NPAS3: variants seen among roughly 807,000 people sequenced by gnomAD.
NPAS3 encodes neuronal PAS domain protein 3.
NPAS3 carries 14 observed loss-of-function variants against 73.1 expected under a neutral mutation model. That is an observed-to-expected ratio of 0.19 (90% CI 0.13 to 0.30). NPAS3 has a LOEUF of 0.30. Ranked by LOEUF, NPAS3 falls within the 10% of genes least tolerant of loss-of-function variation. The pLI, the probability that NPAS3 is intolerant of heterozygous loss-of-function variation, is 1.00. For missense variants in NPAS3, 1,096 were observed against 1,250.0 expected (o/e 0.88, Z 1.86); for synonymous variants, 620 against 541.5 (o/e 1.14, Z -2.01).
intron 3 of NPAS3, among the ~76,000 whole-genome samples, chr14:33,296,143 A>G (rs963608632): frequency 1.9e-4 from 29 of 152,220 alleles, no homozygotes; most frequent in African/African-American, 7.0e-4. Context: ...TTGATTTTTC[A>G]GATGCTACTA....
intron 6 of NPAS3, among the ~76,000 whole-genome samples, chr14:33,680,399 T>C (rs2059900337): frequency 6.6e-6 from 1 of 152,230 alleles, no homozygotes; most frequent in African/African-American, 2.4e-5. Flanking sequence ...CCCAACTATC[T>C]AGAAATAACC....
intron 2 of NPAS3, among the ~76,000 whole-genome samples, chr14:33,174,895 A>G (rs2045528346): frequency 6.6e-6 from 1 of 152,186 alleles, no homozygotes; most frequent in Non-Finnish European, 1.5e-5. Context: ...GAGAATATGC[A>G]AGGGAAACAT....
intron 5 of NPAS3, among the ~76,000 whole-genome samples, chr14:33,592,522 A>G (rs2057105661): frequency 6.6e-6 from 1 of 152,238 alleles, no homozygotes; most frequent in African/African-American, 2.4e-5. Context: ...GGATTTGACC[A>G]GACTATGATG....
chr14:33,576,960 G>A (rs1184976616), intron 5 of NPAS3, among the ~76,000 whole-genome samples: 2 of 152,154 alleles, frequency 1.3e-5, no homozygotes, highest in Non-Finnish European at 2.9e-5. Flanking sequence ...ATGGGTTGGA[G>A]GAAAATAAGT....
intron 3 of NPAS3, among the ~76,000 whole-genome samples, chr14:33,289,224 C>T (rs1566762448): frequency 6.6e-6 from 1 of 152,116 alleles, no homozygotes; most frequent in Non-Finnish European, 1.5e-5. Context: ...TTTCTGAAAA[C>T]ATGTGCCTCG....
At chr14:32,934,930 G>A, upstream of NPAS3, 2 of 1,146,318 alleles carry the variant, frequency 1.7e-6, no homozygotes, top group Non-Finnish European at 1.1e-6. This position sits in a 1 kb window ranked among gnomAD's most constrained non-coding sequence, Gnocchi z 4.1. Context: ...GGCCGGCGCG[G>A]GCATGGGGAG....
intron 1 of NPAS3, among the ~76,000 whole-genome samples, chr14:32,999,059 C>G (rs2038697816): frequency 6.6e-6 from 1 of 152,146 alleles, no homozygotes; most frequent in Non-Finnish European, 1.5e-5. Context: ...AGTGGGTACT[C>G]AAAATTTGCT....
intron 4 of NPAS3, among the ~76,000 whole-genome samples, chr14:33,378,908 T>A (rs1201977868): frequency 6.6e-6 from 1 of 152,232 alleles, no homozygotes; most frequent in Non-Finnish European, 1.5e-5. Flanking sequence ...AAGACAGTTA[T>A]ACTACATGTT....
chr14:33,771,117 A>G (rs995446975), intron 7 of NPAS3, among the ~76,000 whole-genome samples: 3 of 152,142 alleles, frequency 2.0e-5, no homozygotes, highest in Non-Finnish European at 4.4e-5. Context: ...GCAACTATAA[A>G]ATGAAAAATT....
At chr14:32,970,209 T>C (rs1443559022) in intron 1 of NPAS3, among the ~76,000 whole-genome samples, 1 of 152,218 alleles carries the variant, frequency 6.6e-6, no homozygotes, top group African/African-American at 2.4e-5. Flanking sequence ...TTTCCTAGGC[T>C]AGAGATAGAC....
chr14:32,953,928 C>G (rs977408178), intron 1 of NPAS3, among the ~76,000 whole-genome samples: 8 of 152,078 alleles, frequency 5.3e-5, no homozygotes, highest in African/African-American at 1.9e-4. Context: ...TTAATTAGGC[C>G]TTAACAAAGG....
At chr14:33,686,098 C>A (rs2060081471) in intron 6 of NPAS3, among the ~76,000 whole-genome samples, 1 of 152,192 alleles carries the variant, frequency 6.6e-6, no homozygotes, top group Non-Finnish European at 1.5e-5. Flanking sequence ...CAGTGAGCAG[C>A]TCAATGATTG....
chr14:33,343,868 G>GT (rs34915355), intron 3 of NPAS3, among the ~76,000 whole-genome samples: 39,376 of 152,050 alleles, frequency 0.26, 5,607 homozygotes, highest in South Asian at 0.38. Flanking sequence ...CTGCTCTGGC[G>GT]TCCTCAGTGC....
rs1373682169 is a variant in NPAS3 at position 33,055,890 on chromosome 14, T to C, written c.51-15T>C. 1.3e-6 allele frequency: 1 copy of C among 799,910 alleles called. No individual in the cohort carries two copies. The highest frequency in any genetic ancestry group is 2.0e-5 in the Admixed American group (1 of 50,142). The allele number at this position is 799,910 out of a possible 1,614,324, so 49.6% of individuals were successfully genotyped here. A position where few individuals can be genotyped will look rare whatever the true frequency, so the allele number is the denominator to read the frequency against. On this transcript the variant is annotated splice_polypyrimidine_tract_variant and intron_variant, in intron 1 of 11. Transcript: ENST00000356141. ...AATCTCTAGTCATGTCTATCTGTTT[T>C]TGATGCCTCTACAGAATAACTGCCC...
chr14:33,198,872 C>A (rs1295264924), intron 2 of NPAS3, among the ~76,000 whole-genome samples: 2 of 152,202 alleles, frequency 1.3e-5, no homozygotes, highest in Non-Finnish European at 2.9e-5. Flanking sequence ...GTCCCGGAGC[C>A]CTGCCCCACA....
chr14:33,142,603 T>G (rs1276347108), intron 2 of NPAS3, among the ~76,000 whole-genome samples: 2 of 152,238 alleles, frequency 1.3e-5, no homozygotes, highest in Non-Finnish European at 2.9e-5. Context: ...AAATTTTCCT[T>G]GAAATCTTGA....
intron 4 of NPAS3, among the ~76,000 whole-genome samples, chr14:33,379,666 C>T (rs1246698063): frequency 6.6e-6 from 1 of 152,092 alleles, no homozygotes; most frequent in East Asian, 1.9e-4. Context: ...GCCTTTTAGA[C>T]TCATTTTAGG....
At chr14:33,574,111 G>A (rs2056340388) in intron 5 of NPAS3, among the ~76,000 whole-genome samples, 1 of 152,144 alleles carries the variant, frequency 6.6e-6, no homozygotes, top group Non-Finnish European at 1.5e-5. Flanking sequence ...GAGGTGGTTA[G>A]CATATAAATT....
chr14:33,705,772 G>C (rs1249305825), intron 6 of NPAS3, among the ~76,000 whole-genome samples: 1 of 152,156 alleles, frequency 6.6e-6, no homozygotes, highest in African/African-American at 2.4e-5. Flanking sequence ...TGGGAAATAC[G>C]TACTGAAAAA....
Sources: allele counts gnomAD v4.1 joint callset (sites outside exome capture counted in the v4.1 genomes callset), GRCh38; gene constraint gnomAD v4.1.1; non-coding constraint Gnocchi (gnomAD v3.1); transcripts MANE v1.5; gene names NCBI Gene and HGNC (gene_info 2026-07-23, HGNC 2026-07-21).